The following PCCA variants were observed in gnomAD, a reference collection of about 807,000 sequenced individuals.
PCCA encodes the protein propionyl-CoA carboxylase subunit alpha.
Under a neutral mutation model 101.3 loss-of-function variants are expected in PCCA, and 74 were observed. The ratio of observed to expected loss-of-function variants is 0.73; its 90% CI spans 0.61 to 0.89. The LOEUF (loss-of-function observed/expected upper bound fraction) is 0.89, where lower values mean the gene tolerates loss of function less well. Ranked by LOEUF, PCCA falls within the 40% of genes least tolerant of loss-of-function variation. PCCA has a pLI of 0.00. For synonymous variants in PCCA, 294 were observed against 313.6 expected (o/e 0.94, Z 0.66); for missense variants, 891 against 907.0 (o/e 0.98, Z 0.23).
At chr13:100,108,178 T>C (rs755506548) in intron 2 of PCCA, among the ~76,000 whole-genome samples, 3 of 152,076 alleles carry the variant, frequency 2.0e-5, no homozygotes, top group Non-Finnish European at 4.4e-5. Context: ...GAAGGAGGGA[T>C]AGAGAGAGAA....
intron 19 of PCCA, among the ~76,000 whole-genome samples, chr13:100,398,320 A>G (rs768302559): frequency 9.2e-5 from 14 of 152,244 alleles, no homozygotes; most frequent in Non-Finnish European, 1.9e-4. Context: ...TATGCATACC[A>G]CAGCACATCT....
rs755890592 is a variant in PCCA, at chr13:100,368,530, A to G, written c.1702A>G (p.Lys568Glu). 24 of 1,611,526 alleles carry G rather than the reference A, an allele frequency of 1.5e-5. No individual in the cohort carries two copies. Among genetic ancestry groups the G allele is most frequent in the Non-Finnish European group, 1.4e-5 (17 of 1,178,298 alleles). ...NWELSVKLHDKVHTVVASNNG... is the reference protein window; with the variant it reads ...NWELSVKLHDEVHTVVASNNG... Reference sequence around the variant, plus strand: ...GGAGCTCTCAGTAAAATTGCATGATAAAGTTCATACCGTAGTAGCATCAAA... The same window carrying G: ...GGAGCTCTCAGTAAAATTGCATGATGAAGTTCATACCGTAGTAGCATCAAA... The change falls in exon 19 of 24, where the codon AAA becomes GAA. Residue 568 changes from lysine to glutamate, a missense_variant. Physicochemically the swap from Lys to Glu is moderately conservative, Grantham distance 56 (BLOSUM62 1). Transcript: ENST00000376285.
chr13:100,251,012 T>C (rs1173371235), intron 8 of PCCA, among the ~76,000 whole-genome samples: 1 of 152,122 alleles, frequency 6.6e-6, no homozygotes. Flanking sequence ...ATAGTATATA[T>C]ACCTTAAGAA....
rs111870980 is a variant in PCCA, at chr13:100,326,599, C to T, written c.1430-3962C>T. 1.6e-3 allele frequency among the ~76,000 whole-genome samples: 240 copies of T among 151,956 alleles called. 2 individuals carry two copies. Among genetic ancestry groups the T allele is most frequent in the African/African-American group, 5.6e-3 (231 of 41,426 alleles). Reference sequence around the variant, plus strand: ...ATTCATAAAGTTATACAGAGTGTGCCGCCTCTCCTGCCTCCCCTTCCACCT... The same window carrying T: ...ATTCATAAAGTTATACAGAGTGTGCTGCCTCTCCTGCCTCCCCTTCCACCT... On this transcript the variant is annotated intron_variant, in intron 16 of 23. Coordinates refer to ENST00000376285, the MANE Select transcript of PCCA (RefSeq NM_000282.4).
At chr13:100,341,180 G>A (rs2071253384) in intron 18 of PCCA, among the ~76,000 whole-genome samples, 1 of 152,132 alleles carries the variant, frequency 6.6e-6, no homozygotes, top group African/African-American at 2.4e-5. Context: ...AGCTACCAGG[G>A]AGAGATGAGA....
At chr13:100,113,842 G>C (rs548442112) in intron 4 of PCCA, among the ~76,000 whole-genome samples, 70 of 152,154 alleles carry the variant, frequency 4.6e-4, no homozygotes, top group African/African-American at 1.7e-3. Flanking sequence ...GCCTCCCAAC[G>C]TGCTGGGATT....
chr13:100,301,709 C>A, intron 13 of PCCA, 106 bp downstream of exon 13: 1 of 1,255,166 alleles, frequency 8.0e-7, no homozygotes, highest in Non-Finnish European at 1.2e-6. Flanking sequence ...ATGTTGCCAA[C>A]TATTGGATTA....
At chr13:100,210,375 A>G (rs1048132000) in intron 7 of PCCA, among the ~76,000 whole-genome samples, 1 of 152,258 alleles carries the variant, frequency 6.6e-6, no homozygotes, top group African/African-American at 2.4e-5. Context: ...TTCATAGGAA[A>G]AAATTTGGTG....
intron 6 of PCCA, among the ~76,000 whole-genome samples, chr13:100,208,579 G>A (rs373869455): frequency 6.6e-6 from 1 of 152,076 alleles, no homozygotes; most frequent in Middle Eastern, 3.4e-3. Flanking sequence ...ACCATGCCCT[G>A]TGGTGGAGCT....
At chr13:100,144,675 T>TA (rs1388296763) in intron 4 of PCCA, among the ~76,000 whole-genome samples, 2 of 152,192 alleles carry the variant, frequency 1.3e-5, no homozygotes, top group Non-Finnish European at 2.9e-5. Flanking sequence ...AGTCCTGACT[T>TA]ATAATTAAGG....
chr13:100,204,656 T>C (rs1334991800), intron 6 of PCCA, among the ~76,000 whole-genome samples: 1 of 152,212 alleles, frequency 6.6e-6, no homozygotes, highest in Non-Finnish European at 1.5e-5. Flanking sequence ...GTAAATTAAA[T>C]CTCATTTCCT....
intron 4 of PCCA, among the ~76,000 whole-genome samples, chr13:100,146,101 G>A (rs544832097): frequency 1.3e-5 from 2 of 150,030 alleles, no homozygotes; most frequent in South Asian, 2.1e-4. Flanking sequence ...CACCACACTC[G>A]GCTAATTTTT....
At chr13:100,161,142 G>A (rs1054745880) in intron 6 of PCCA, 2 of 152,128 alleles carry the variant, frequency 1.3e-5, no homozygotes, top group African/African-American at 2.4e-5. Flanking sequence ...TGTAACTACT[G>A]TAAAATGAGA....
At chr13:100,482,616 C>T (rs574061190) in intron 21 of PCCA, among the ~76,000 whole-genome samples, 2 of 152,294 alleles carry the variant, frequency 1.3e-5, no homozygotes, top group East Asian at 1.9e-4. Flanking sequence ...TTTGAGAGAG[C>T]GTTCGCTCGT....
chr13:100,216,319 A>G (rs934464779), intron 7 of PCCA, among the ~76,000 whole-genome samples: 1 of 152,226 alleles, frequency 6.6e-6, no homozygotes, highest in Admixed American at 6.5e-5. Flanking sequence ...ACACCGAGGA[A>G]GCATGTGATT....
chr13:100,398,878 T>G (rs1246677825), intron 19 of PCCA, among the ~76,000 whole-genome samples: 1 of 152,182 alleles, frequency 6.6e-6, no homozygotes, highest in Admixed American at 6.5e-5. Context: ...AATTTAAAAA[T>G]TTACTATTAA....
At chr13:100,203,428 G>C (rs4771356) in intron 6 of PCCA, among the ~76,000 whole-genome samples, 2 of 151,908 alleles carry the variant, frequency 1.3e-5, no homozygotes, top group African/African-American at 4.8e-5. Flanking sequence ...GGTGGCTCAC[G>C]CCTTTAATCC....
chr13:100,419,336 G>A lies in PCCA; in HGVS notation c.1747-6297G>A, dbSNP rs1175225176. ...AAAATACAAAAATTAGCCAGGTGTG[G>A]TGGTGGGCGCCTGTAATCCCAGCTA... is the stretch of plus-strand genomic sequence containing the variant. On this transcript the variant is annotated intron_variant, in intron 19 of 23. Coordinates refer to ENST00000376285, the MANE Select transcript of PCCA (RefSeq NM_000282.4). Among the ~76,000 whole-genome samples, 3 of 151,978 alleles carry A rather than the reference G, an allele frequency of 2.0e-5. No homozygotes were observed. In the East Asian group the frequency reaches 5.8e-4, roughly 29 times the overall value.
chr13:100,493,587 CCA>C (rs1429959220), intron 21 of PCCA, among the ~76,000 whole-genome samples: 2 of 152,144 alleles, frequency 1.3e-5, no homozygotes, highest in East Asian at 3.8e-4. Flanking sequence ...TTGCAAACCC[CCA>C]CAGAGTCTTG....
Sources: gnomAD v4.1 joint callset for allele counts (sites outside exome capture counted in the v4.1 genomes callset) on GRCh38, gnomAD v4.1.1 for gene constraint, MANE v1.5 for transcripts, NCBI Gene and HGNC (gene_info 2026-07-23, HGNC 2026-07-21) for gene names.